TMCO4: variants seen among roughly 807,000 people sequenced by gnomAD.
The protein encoded by TMCO4 is transmembrane and coiled-coil domains 4.
Under a neutral mutation model 64.7 loss-of-function variants are expected in TMCO4, and 58 were observed. The observed-to-expected ratio is 0.90, with a 90% CI of 0.73 to 1.12. The LOEUF (loss-of-function observed/expected upper bound fraction) is 1.12. Among genes scored for constraint, TMCO4 ranks in the 50% most tolerant of loss-of-function variants. The pLI is 0.00. For synonymous variants in TMCO4, 325 were observed against 346.1 expected, an observed-to-expected ratio of 0.94 and a Z score of 0.68; for missense variants, 780 against 825.9, an observed-to-expected ratio of 0.94 and a Z score of 0.68.
chr1:19,698,582 C>A (rs1051017862), intron 14 of TMCO4, among the ~76,000 whole-genome samples: 1 of 152,162 alleles, frequency 6.6e-6, no homozygotes, highest in Non-Finnish European at 1.5e-5. Context: ...TCCCTCTTAC[C>A]CTCCATGTTT....
chr1:19,775,524 C>T (rs1411902000), intron 4 of TMCO4, among the ~76,000 whole-genome samples: 4 of 152,242 alleles, frequency 2.6e-5, no homozygotes, highest in Admixed American at 1.3e-4. Flanking sequence ...CATATCTTGC[C>T]TGCAGCCCTT....
At chr1:19,752,362 C>T (rs1455840011) in intron 7 of TMCO4, among the ~76,000 whole-genome samples, 2 of 152,170 alleles carry the variant, frequency 1.3e-5, no homozygotes, top group Non-Finnish European at 2.9e-5. Context: ...ACCTGAGCTG[C>T]CCAAAGACAA....
chr1:19,785,188 G>A (rs933897802), intron 3 of TMCO4, among the ~76,000 whole-genome samples: 1 of 152,182 alleles, frequency 6.6e-6, no homozygotes, highest in Non-Finnish European at 1.5e-5. Context: ...TCCTCTGAGA[G>A]ACCTTCCCTG....
intron 13 of TMCO4, among the ~76,000 whole-genome samples, chr1:19,710,965 T>G (rs1442820214): frequency 6.6e-6 from 1 of 152,184 alleles, no homozygotes; most frequent in African/African-American, 2.4e-5. Context: ...ACAGGGGCCA[T>G]GTGAAACACG....
intron 6 of TMCO4, among the ~76,000 whole-genome samples, chr1:19,768,721 C>A (rs1464755712): frequency 6.6e-6 from 1 of 152,162 alleles, no homozygotes; most frequent in Admixed American, 6.5e-5. Flanking sequence ...ATACACTAGG[C>A]CCAAACACAC....
At chr1:19,721,148 G>A (rs1250428797) in intron 13 of TMCO4, among the ~76,000 whole-genome samples, 2 of 152,140 alleles carry the variant, frequency 1.3e-5, no homozygotes, top group Non-Finnish European at 2.9e-5. Context: ...ACCTGGTTAT[G>A]CAAAATTCTG....
intron 13 of TMCO4, among the ~76,000 whole-genome samples, chr1:19,715,126 T>C (rs1368420276): frequency 6.6e-6 from 1 of 151,986 alleles, no homozygotes; most frequent in Non-Finnish European, 1.5e-5. Flanking sequence ...TCCAGCTACT[T>C]GGGGGTGCTG....
At chr1:19,785,281 A>C (rs889785315) in intron 3 of TMCO4, among the ~76,000 whole-genome samples, 1 of 152,374 alleles carries the variant, frequency 6.6e-6, no homozygotes, top group East Asian at 1.9e-4. Context: ...ATTACTTTGC[A>C]CCAACCTAAT....
intron 11 of TMCO4, 132 bp from the exon 12 acceptor site, chr1:19,740,092 T>C: frequency 9.3e-7 from 1 of 1,070,294 alleles, no homozygotes; most frequent in Non-Finnish European, 1.3e-6. Flanking sequence ...CCAATCAAAC[T>C]GCTAAAGAAC....
intron 14 of TMCO4, among the ~76,000 whole-genome samples, chr1:19,695,104 C>T (rs1212640077): frequency 6.6e-6 from 1 of 152,196 alleles, no homozygotes; most frequent in Non-Finnish European, 1.5e-5. Context: ...GCAGGTCTCC[C>T]TGCCCTCAGG....
chr1:19,728,142 C>T (rs2095416354), intron 13 of TMCO4, among the ~76,000 whole-genome samples: 1 of 152,176 alleles, frequency 6.6e-6, no homozygotes, highest in East Asian at 1.9e-4. Context: ...ATCTGCACAA[C>T]AAACTCCAGT....
chr1:19,775,597 T>C (rs1423837557), intron 4 of TMCO4, among the ~76,000 whole-genome samples: 2 of 152,260 alleles, frequency 1.3e-5, no homozygotes, highest in African/African-American at 4.8e-5. Context: ...TGTCTGTGGC[T>C]GCTTTTGTGC....
chr1:19,726,271 C>G (rs2095408435), intron 13 of TMCO4, among the ~76,000 whole-genome samples: 1 of 152,190 alleles, frequency 6.6e-6, no homozygotes, highest in South Asian at 2.1e-4. Context: ...AGCAGGGAGG[C>G]AGCTGAACAC....
intron 10 of TMCO4, 39 bp from the exon 11 acceptor site, chr1:19,740,980 T>C: frequency 6.4e-7 from 1 of 1,552,230 alleles, no homozygotes. Context: ...CTCTTGTCTA[T>C]GGCAGAGGAT....
At chr1:19,683,657 A>G (rs914772527) in intron 15 of TMCO4, among the ~76,000 whole-genome samples, 21 of 151,874 alleles carry the variant, frequency 1.4e-4, no homozygotes, top group Non-Finnish European at 2.1e-4. Flanking sequence ...TTAAATAAAG[A>G]TGAAGGATGT....
chr1:19,683,871 T>C (rs2095125148), intron 15 of TMCO4, among the ~76,000 whole-genome samples: 1 of 148,350 alleles, frequency 6.7e-6, no homozygotes, highest in Non-Finnish European at 1.5e-5. Flanking sequence ...CAAGTGATCT[T>C]CTTGCCTCAG....
chr1:19,739,664 T>G (rs748317824), intron 12 of TMCO4, among the ~76,000 whole-genome samples, 160 bp downstream of exon 12: 1 of 152,164 alleles, frequency 6.6e-6, no homozygotes, highest in Non-Finnish European at 1.5e-5. Context: ...TAGGACACAT[T>G]CATTACTTGA....
At chr1:19,701,400 G>C (rs938386346) in intron 13 of TMCO4, among the ~76,000 whole-genome samples, 3 of 152,212 alleles carry the variant, frequency 2.0e-5, no homozygotes, top group Non-Finnish European at 1.5e-5. Flanking sequence ...TCCAACTCCT[G>C]ACCTCAGGTG....
At chr1:19,757,160 G>T (rs532395185) in intron 6 of TMCO4, among the ~76,000 whole-genome samples, 2 of 78,090 alleles carry the variant, frequency 2.6e-5, no homozygotes, top group East Asian at 4.0e-4. Flanking sequence ...GCGTGGTGGC[G>T]GGGGGGGGCG....
Sources: gnomAD v4.1 joint callset for allele counts (sites outside exome capture counted in the v4.1 genomes callset) on GRCh38, gnomAD v4.1.1 for gene constraint, MANE v1.5 for transcripts, NCBI Gene and HGNC (gene_info 2026-07-23, HGNC 2026-07-21) for gene names.